The following KCNK10 variants were observed in gnomAD, a reference collection of about 807,000 sequenced individuals.
The protein encoded by KCNK10 is potassium two pore domain channel subfamily K member 10, also known as potassium channel subfamily K member 10.
KCNK10 carries 25 observed loss-of-function variants against 47.7 expected under a neutral mutation model. The observed-to-expected ratio is 0.52, with a 90% confidence interval of 0.38 to 0.73. The LOEUF (loss-of-function observed/expected upper bound fraction) is 0.73, where lower values mean the gene tolerates loss of function less well. Ranked by LOEUF, KCNK10 falls within the 30% of genes least tolerant of loss-of-function variation. The pLI, the probability that KCNK10 is intolerant of heterozygous loss-of-function variation, is 0.00. For missense variants in KCNK10, 563 were observed against 714.5 expected, an observed-to-expected ratio of 0.79 and a Z score of 2.42; for synonymous variants, 303 against 285.6, an observed-to-expected ratio of 1.06 and a Z score of -0.61.
chr14:88,237,667 C>T (rs1886335251), intron 3 of KCNK10, among the ~76,000 whole-genome samples: 1 of 152,176 alleles, frequency 6.6e-6, no homozygotes, highest in Non-Finnish European at 1.5e-5. Flanking sequence ...TGACTAGGTG[C>T]ATTGTCAGTG....
At position 88,185,482 on chromosome 14, in the gene KCNK10, A is replaced by AACACAC. The variant is rs144490234; in HGVS notation, c.*47_*52dup. On this transcript the variant is annotated 3_prime_UTR_variant, in exon 7 of 7. Coordinates refer to ENST00000319231, the MANE Select transcript of KCNK10 (RefSeq NM_138317.3). The surrounding 1 kb of genome is among the most constrained non-coding windows in gnomAD (Gnocchi z 4.3). ...CACATGTCTCAGTGTGAATATTAAA[A>AACACAC]ACACACACACACACACACACAACGC... The AACACAC allele has an allele frequency of 7.7e-5, 110 of 1,421,666 alleles. No individual in the cohort carries two copies. Among genetic ancestry groups the AACACAC allele is most frequent in the Admixed American group, 2.5e-4 (12 of 47,790 alleles). The allele number at this position is 1,421,666 out of a possible 1,614,324, so 88.1% of individuals were successfully genotyped here.
upstream of KCNK10, among the ~76,000 whole-genome samples, chr14:88,324,214 C>T (rs1888615821): frequency 6.6e-6 from 1 of 152,374 alleles, no homozygotes; most frequent in Admixed American, 6.5e-5. Flanking sequence ...GGGGCTAAAC[C>T]TGGAGCATTC....
At chr14:88,240,177 C>A (rs1277848601) in intron 3 of KCNK10, among the ~76,000 whole-genome samples, 1 of 151,868 alleles carries the variant, frequency 6.6e-6, no homozygotes, top group Non-Finnish European at 1.5e-5. Flanking sequence ...TCATCTTCCA[C>A]AATGGAAAGT....
chr14:88,254,564 G>A (rs2401756), intron 2 of KCNK10, among the ~76,000 whole-genome samples: 101,609 of 152,036 alleles, frequency 0.67, 34,450 homozygotes, highest in African/African-American at 0.79. Flanking sequence ...TTCATTCTAC[G>A]CTTCCCCGTC....
upstream of KCNK10, among the ~76,000 whole-genome samples, chr14:88,325,451 T>C (rs1183077492): frequency 6.6e-6 from 1 of 152,212 alleles, no homozygotes; most frequent in Non-Finnish European, 1.5e-5. Flanking sequence ...TTGCAGAAGC[T>C]GTAACTGGCC....
intron 1 of KCNK10, among the ~76,000 whole-genome samples, chr14:88,311,678 T>C (rs1888332999): frequency 6.6e-6 from 1 of 152,022 alleles, no homozygotes; most frequent in Non-Finnish European, 1.5e-5. Flanking sequence ...ACAGTAAAAA[T>C]GGAAAAGCGG....
intron 4 of KCNK10, among the ~76,000 whole-genome samples, chr14:88,195,985 T>C (rs1270064008): frequency 2.0e-5 from 3 of 152,242 alleles, no homozygotes; most frequent in Admixed American, 1.3e-4. Context: ...ACTGAGCTAA[T>C]GTGTCCTTAG....
At chr14:88,251,658 T>G (rs1232690750) in intron 2 of KCNK10, among the ~76,000 whole-genome samples, 1 of 152,242 alleles carries the variant, frequency 6.6e-6, no homozygotes, top group Admixed American at 6.5e-5. Context: ...AAAATGGCAA[T>G]GTACTGATTG....
chr14:88,205,323 A>C (rs1356743094), intron 4 of KCNK10, among the ~76,000 whole-genome samples: 1 of 151,962 alleles, frequency 6.6e-6, no homozygotes, highest in Admixed American at 6.6e-5. Flanking sequence ...TTCATTCCTC[A>C]CACACAATTC....
intron 1 of KCNK10, among the ~76,000 whole-genome samples, chr14:88,314,875 C>A (rs1888395911): frequency 6.6e-6 from 1 of 152,170 alleles, no homozygotes; most frequent in Non-Finnish European, 1.5e-5. Context: ...CTGTAATTAT[C>A]CCTATCTTGC....
At chr14:88,210,829 GAAA>G (rs71126970) in intron 4 of KCNK10, among the ~76,000 whole-genome samples, 28,653 of 138,592 alleles carry the variant, frequency 0.21, 3,100 homozygotes, top group East Asian at 0.42. Flanking sequence ...AAAGTTAAAG[GAAA>G]AAAAAAAAAA....
intron 1 of KCNK10, among the ~76,000 whole-genome samples, chr14:88,316,181 A>C (rs1488085941): frequency 6.6e-6 from 1 of 152,088 alleles, no homozygotes; most frequent in Non-Finnish European, 1.5e-5. Context: ...AAAGGAAAAG[A>C]ATGCAATGCT....
At chr14:88,282,976 C>T (rs1401025654) in intron 1 of KCNK10, among the ~76,000 whole-genome samples, 3 of 152,214 alleles carry the variant, frequency 2.0e-5, no homozygotes, top group Non-Finnish European at 4.4e-5. Flanking sequence ...CCTGCTTCAG[C>T]ACTATGTCAA....
intron 1 of KCNK10, among the ~76,000 whole-genome samples, chr14:88,303,071 C>T (rs1268824409): frequency 6.6e-6 from 1 of 152,036 alleles, no homozygotes; most frequent in Non-Finnish European, 1.5e-5. Flanking sequence ...GCAAAAAAAA[C>T]ATCCTCCATG....
rs1427359671 is a variant in KCNK10, at chr14:88,186,689, T to C, written c.1012-534A>G. On this transcript the variant is annotated intron_variant, in intron 6 of 6. Transcript: ENST00000319231. The surrounding 1 kb of genome is among the most constrained non-coding windows in gnomAD (Gnocchi z 5.5). ...AGTTTGCCTGAGGCTGTCCCAGTTTTAAAACAGAGTCCTGTGTCCTAGGAA... is the reference window on the plus strand; with the variant it reads ...AGTTTGCCTGAGGCTGTCCCAGTTTCAAAACAGAGTCCTGTGTCCTAGGAA... Among the ~76,000 whole-genome samples, 1 of 152,168 alleles carries C rather than the reference T, an allele frequency of 6.6e-6. No homozygotes were observed. The highest frequency in any genetic ancestry group is 1.5e-5 in the Non-Finnish European group (1 of 68,010).
intron 3 of KCNK10, among the ~76,000 whole-genome samples, chr14:88,227,925 A>G (rs1886038548): frequency 6.6e-6 from 1 of 152,164 alleles, no homozygotes. Context: ...CTTCTTTTTC[A>G]CAGTCTTACC....
At chr14:88,255,075 C>T (rs1886909200) in intron 2 of KCNK10, among the ~76,000 whole-genome samples, 1 of 152,202 alleles carries the variant, frequency 6.6e-6, no homozygotes, top group African/African-American at 2.4e-5. Context: ...CCTTCTAACA[C>T]ACCCTTTCTT....
chr14:88,251,013 T>A (rs1886780446), intron 2 of KCNK10, among the ~76,000 whole-genome samples: 1 of 151,906 alleles, frequency 6.6e-6, no homozygotes, highest in Non-Finnish European at 1.5e-5. Context: ...GGTGGGCAGA[T>A]CACAAGGTCA....
chr14:88,254,871 T>A (rs1886899953), intron 2 of KCNK10, among the ~76,000 whole-genome samples: 1 of 146,444 alleles, frequency 6.8e-6, no homozygotes, highest in Admixed American at 6.7e-5. Flanking sequence ...TCGGTTCGCT[T>A]GAGAGAAGAA....
Sources: gnomAD v4.1 joint callset for allele counts (sites outside exome capture counted in the v4.1 genomes callset) on GRCh38, gnomAD v4.1.1 for gene constraint, Gnocchi (gnomAD v3.1) non-coding constraint, MANE v1.5 for transcripts, NCBI Gene and HGNC (gene_info 2026-07-23, HGNC 2026-07-21) for gene names.